The following C2CD3 variants were observed in gnomAD, a reference collection of about 807,000 sequenced individuals.
C2CD3 encodes the protein C2 domain-containing protein 3.
C2CD3 carries 148 observed loss-of-function variants against 234.0 expected under a neutral mutation model. The ratio of observed to expected loss-of-function variants is 0.63; its 90% CI spans 0.55 to 0.72. The LOEUF (loss-of-function observed/expected upper bound fraction) is 0.72, where lower values mean the gene tolerates loss of function less well. C2CD3 is among the 30% of genes least tolerant of loss of function. The probability of loss-of-function intolerance (pLI) is 0.00; values close to 1 mark genes in which losing one functional copy is unlikely to be tolerated. For missense variants in C2CD3, 2,577 were observed against 2,811.5 expected (o/e 0.92, Z 1.89); for synonymous variants, 1,000 against 1,035.4 (o/e 0.97, Z 0.66).
In C2CD3 at chr11:74,013,150, T is replaced by C. The variant is rs1383250463; in HGVS notation, c.*235A>G. The stretch of plus-strand genomic sequence containing the variant: ...CGCGGATTCCATTTTATTTCTAGCC[T>C]TTGCCTCACCACAGAAAAAAGGAGC... On this transcript the variant is annotated 3_prime_UTR_variant, in exon 33 of 33. Coordinates refer to ENST00000334126, the MANE Select transcript of C2CD3 (RefSeq NM_001286577.2). 3.9e-5 allele frequency: 12 copies of C among 307,448 alleles called. No individual in the cohort carries two copies. The Admixed American group carries it at 6.1e-4, about 16-fold the overall frequency. 19.0% of individuals were successfully genotyped at this position (307,448 alleles called of 1,614,324 possible). A position where few individuals can be genotyped will look rare whatever the true frequency, so the allele number is the denominator to read the frequency against.
chr11:74,073,789 T>A (rs1004915293), intron 24 of C2CD3, among the ~76,000 whole-genome samples: 1 of 152,174 alleles, frequency 6.6e-6, no homozygotes, highest in African/African-American at 2.4e-5. Context: ...AGGAAATATG[T>A]TAAATTTTAG....
chr11:74,059,281 G>A (rs371498666), intron 24 of C2CD3, among the ~76,000 whole-genome samples: 15 of 151,838 alleles, frequency 9.9e-5, no homozygotes, highest in African/African-American at 3.6e-4. Flanking sequence ...CGTGGTGGTG[G>A]CTGCCTGTAG....
intron 10 of C2CD3, 38 bp from the exon 11 acceptor site, chr11:74,113,930 CAATA>C (rs1381225669): frequency 8.2e-7 from 1 of 1,217,804 alleles, no homozygotes; most frequent in Admixed American, 2.2e-5. Flanking sequence ...ACTAACCAAA[CAATA>C]AACCTAATTT....
At chr11:74,050,753 C>A (rs763011682) in intron 26 of C2CD3, among the ~76,000 whole-genome samples, 1 of 151,308 alleles carries the variant, frequency 6.6e-6, no homozygotes, top group East Asian at 1.9e-4. Flanking sequence ...CCTAGCTAAA[C>A]GGTGAGAAAA....
intron 14 of C2CD3, 34 bp from the exon 15 acceptor site, chr11:74,100,710 ACTC>A: frequency 6.4e-7 from 1 of 1,561,472 alleles, no homozygotes; most frequent in East Asian, 2.3e-5. Context: ...CAAACAAAAA[ACTC>A]ATACCTGAGA....
At chr11:74,123,729 G>T (rs113532562) in intron 7 of C2CD3, among the ~76,000 whole-genome samples, 2,398 of 146,058 alleles carry the variant, frequency 0.016, 68 homozygotes, top group African/African-American at 0.059. Context: ...GAAATCCCAC[G>T]CTGGTATCTT....
At chr11:74,100,728 T>C (rs749766331) in intron 14 of C2CD3, 52 bp from the exon 15 acceptor site, 2 of 1,444,858 alleles carry the variant, frequency 1.4e-6, no homozygotes, top group Non-Finnish European at 1.9e-6. Flanking sequence ...CTGAGACAAA[T>C]ATTAATTTAT....
At chr11:74,091,264 AT>A in intron 19 of C2CD3, 1 of 190,058 alleles carries the variant, frequency 5.3e-6, no homozygotes, top group Non-Finnish European at 1.1e-5. Context: ...GGCTCTAGCC[AT>A]TTTCTTTTTA....
chr11:74,114,676 A>T (rs1956866669), intron 9 of C2CD3, 83 bp from the exon 10 acceptor site: 1 of 872,564 alleles, frequency 1.1e-6, no homozygotes, highest in African/African-American at 1.7e-5. Flanking sequence ...CAAGATGAGG[A>T]AAAAGGGAGG....
In C2CD3 at chr11:74,074,582, C is replaced by G; in HGVS notation, c.4622G>C (p.Gly1541Ala). The part of the protein sequence containing the change: ...LTVSGVYPLF[G>A]RNASNLSGAA... ...TCCTGAGAGGTTGGAAGCATTTCGT[C>G]CAAACAGAGGATACACACCTAAAAG... Residue 1541 changes from glycine (G) to alanine (A), a missense_variant, in exon 24 of 33, where the codon GGA becomes GCA. Gly to Ala is a moderately conservative substitution (Grantham distance 60). Transcript: ENST00000334126. 1 of 1,613,286 alleles carries G rather than the reference C, an allele frequency of 6.2e-7. No homozygotes were observed.
Position 74,013,300 on chromosome 11 carries a change from A to G in C2CD3, c.*85T>C, listed in dbSNP as rs1176487857. ...TTCAGGACTGTGACAGCCCTGAAGG[A>G]GCCAGACCTGGTGCCTCCTGCAAGC... On this transcript the variant is annotated 3_prime_UTR_variant, in exon 33 of 33. Coordinates refer to ENST00000334126, the MANE Select transcript of C2CD3 (RefSeq NM_001286577.2). 6.5e-6 allele frequency: 3 copies of G among 464,572 alleles called. No homozygotes were observed. The highest frequency in any genetic ancestry group is 4.1e-5 in the African/African-American group (2 of 49,282). The allele number at this position is 464,572 out of a possible 1,614,324, so 28.8% of individuals were successfully genotyped here. A position where few individuals can be genotyped will look rare whatever the true frequency, so the allele number is the denominator to read the frequency against.
At chr11:74,107,481 A>T (rs566419953) in intron 12 of C2CD3, among the ~76,000 whole-genome samples, 1 of 152,358 alleles carries the variant, frequency 6.6e-6, no homozygotes, top group East Asian at 1.9e-4. Flanking sequence ...CATCCATATG[A>T]TGGCATAACA....
At chr11:74,158,498 G>A (rs563093315) in intron 3 of C2CD3, among the ~76,000 whole-genome samples, 5 of 152,120 alleles carry the variant, frequency 3.3e-5, no homozygotes, top group African/African-American at 7.2e-5. Context: ...CAAGGCGGGC[G>A]GATCACCCGA....
intron 5 of C2CD3, among the ~76,000 whole-genome samples, chr11:74,134,191 T>C (rs964569645): frequency 1.3e-5 from 2 of 152,210 alleles, no homozygotes; most frequent in African/African-American, 2.4e-5. Flanking sequence ...ATGACTACTT[T>C]TGTTTTCCAG....
In C2CD3 at chr11:74,042,063, G is replaced by T; in HGVS notation, c.5651C>A (p.Thr1884Asn). The T allele has an allele frequency of 6.2e-7, 1 of 1,614,004 alleles. No homozygotes were observed. The highest frequency in any genetic ancestry group is 1.3e-5 in the African/African-American group (1 of 74,996). ...SPLSSQTSIL[T>N]SLRKNLSELD... ...CTCAGTAGAGCCTCACCTGAGAGAA[G>T]TCAGAATGGAGGTTTGGGAGGACAA... The change falls in exon 29 of 33, where the codon ACT becomes AAT. Residue 1884 changes from threonine (T) to asparagine (N), a missense_variant. Coordinates refer to ENST00000334126, the MANE Select transcript of C2CD3 (RefSeq NM_001286577.2).
rs1426339137 is a variant in C2CD3 at position 74,116,956 on chromosome 11, GTGTATATACACATATACACGTA to G, written c.1520+1250_1520+1271del. On this transcript the variant is annotated intron_variant, in intron 9 of 32. Transcript: ENST00000334126. The stretch of plus-strand genomic sequence containing the variant: ...TATATACACATATACACGTATATAT[GTGTATATACACATATACACGTA>G]TATATACACATATACGTGTATATGT... 3.7e-3 allele frequency among the ~76,000 whole-genome samples: 303 copies of G among 81,676 alleles called. 3 individuals carry two copies. The highest frequency in any genetic ancestry group is 0.028 in the Middle Eastern group (4 of 144). 53.6% of individuals were successfully genotyped at this position (81,676 alleles called of 152,430 possible).
chr11:74,117,704 G>C (rs1002417205), intron 9 of C2CD3, among the ~76,000 whole-genome samples: 4 of 151,844 alleles, frequency 2.6e-5, no homozygotes, highest in African/African-American at 9.7e-5. Context: ...ACCTGAGGTT[G>C]GGAGTTCAAG....
In C2CD3 at chr11:74,048,242, C is replaced by A. The variant is rs749863518; in HGVS notation, c.5458G>T (p.Ala1820Ser). 10 of 1,613,510 alleles carry A rather than the reference C, an allele frequency of 6.2e-6. No homozygotes were observed. The East Asian group carries it at 1.8e-4, about 29-fold the overall frequency. The change falls in exon 28 of 33, where the codon GCC becomes TCC. Residue 1820 changes from alanine (A) to serine (S), a missense_variant. By Grantham distance (99) the Ala-to-Ser change is moderately conservative. Coordinates refer to ENST00000334126, the MANE Select transcript of C2CD3 (RefSeq NM_001286577.2). ...ARQTLDQLAH[A>S]SSKELDFSSP... The stretch of plus-strand genomic sequence containing the variant: ...GAGAAATCAAGCTCCTTTGAGGAGG[C>A]ATGAGCAAGTTGGTCTAGGGTCTGC...
chr11:74,048,545 T>G (rs1197061293), intron 27 of C2CD3, among the ~76,000 whole-genome samples: 1 of 152,254 alleles, frequency 6.6e-6, no homozygotes, highest in African/African-American at 2.4e-5. Flanking sequence ...TTACAGACTA[T>G]GCTATCAGAT....
Sources: gnomAD v4.1 joint callset for allele counts (sites outside exome capture counted in the v4.1 genomes callset) on GRCh38, gnomAD v4.1.1 for gene constraint, MANE v1.5 for transcripts, NCBI Gene and HGNC (gene_info 2026-07-23, HGNC 2026-07-21) for gene names.